GSE1: variants seen among roughly 807,000 people sequenced by gnomAD.
GSE1 encodes genetic suppressor element 1.
GSE1 carries 32 observed loss-of-function variants against 112.6 expected under a neutral mutation model. That is an observed-to-expected ratio of 0.28 (90% CI 0.21 to 0.38). The LOEUF (loss-of-function observed/expected upper bound fraction) is 0.38. Ranked by LOEUF, GSE1 falls within the 10% of genes least tolerant of loss-of-function variation. The pLI, the probability that GSE1 is intolerant of heterozygous loss-of-function variation, is 1.00. For missense variants in GSE1, 2,348 were observed against 1,699.2 expected (o/e 1.38, Z -6.71); for synonymous variants, 1,115 against 735.6 (o/e 1.52, Z -8.35).
At chr16:85,287,226 C>T (rs778595456) in intron 1 of GSE1, among the ~76,000 whole-genome samples, 6 of 152,212 alleles carry the variant, frequency 3.9e-5, no homozygotes, top group African/African-American at 9.7e-5. Flanking sequence ...CTGTGCAAGA[C>T]GTGCACCACT....
chr16:85,172,584 G>A (rs2074379710), intron 1 of GSE1, among the ~76,000 whole-genome samples: 1 of 152,260 alleles, frequency 6.6e-6, no homozygotes, highest in South Asian at 2.1e-4. Flanking sequence ...ACTGCCCCCG[G>A]TGGGTCTGGG....
intron 1 of GSE1, among the ~76,000 whole-genome samples, chr16:85,198,090 G>A (rs187286180): frequency 4.9e-4 from 75 of 152,212 alleles, no homozygotes; most frequent in East Asian, 4.1e-3. Flanking sequence ...GGCCCTCAGC[G>A]TCCTCACACC....
intron 1 of GSE1, among the ~76,000 whole-genome samples, chr16:85,602,016 C>A (rs1000110899): frequency 6.6e-6 from 1 of 151,912 alleles, no homozygotes; most frequent in African/African-American, 2.4e-5. Flanking sequence ...AGGGAGAAGA[C>A]GGGCCTGGAG....
At chr16:85,639,273 C>T (rs1484766430) in intron 2 of GSE1, among the ~76,000 whole-genome samples, 1 of 152,180 alleles carries the variant, frequency 6.6e-6, no homozygotes, top group Non-Finnish European at 1.5e-5. Context: ...GGCACCGGGT[C>T]CTTGGGTACA....
chr16:85,198,304 G>A (rs748600808), intron 1 of GSE1, among the ~76,000 whole-genome samples: 4 of 152,188 alleles, frequency 2.6e-5, no homozygotes, highest in African/African-American at 7.2e-5. Flanking sequence ...TCCTCTCTAC[G>A]GACGAGGTCA....
At chr16:85,396,950 G>A (rs949040792) in intron 2 of GSE1, among the ~76,000 whole-genome samples, 5 of 152,226 alleles carry the variant, frequency 3.3e-5, no homozygotes, top group Non-Finnish European at 7.3e-5. Context: ...AGACACCCAG[G>A]CAGAGAACAG....
At chr16:85,572,198 AACAC>A (rs1015561110) in intron 1 of GSE1, among the ~76,000 whole-genome samples, 8 of 146,432 alleles carry the variant, frequency 5.5e-5, no homozygotes, top group Non-Finnish European at 1.1e-4. Flanking sequence ...CTACACACAC[AACAC>A]ACACAGCACG....
In GSE1 at chr16:85,170,992, C is replaced by G. The variant is rs551727074; in HGVS notation, c.1468C>G (p.Pro490Ala). ...CTACCTCTGTGGGGAGGACTGTACC[C>G]CGGATGCCCGGGCGGTCCCCTCCAG... Residue 490 changes from proline to alanine, a missense_variant, in exon 1 of 3, where the codon CCG (proline) becomes GCG (alanine). By Grantham distance (27) the Pro-to-Ala change is conservative. Transcript: ENST00000637419. 9.3e-5 allele frequency: 92 copies of G among 985,542 alleles called. No homozygotes were observed. In the South Asian group the frequency reaches 3.6e-3, roughly 38 times the overall value. The allele number at this position is 985,542 out of a possible 1,614,324, so 61.0% of individuals were successfully genotyped here. A position where few individuals can be genotyped will look rare whatever the true frequency, so the allele number is the denominator to read the frequency against.
chr16:85,388,961 G>T (rs564198269), intron 2 of GSE1, among the ~76,000 whole-genome samples: 28 of 152,250 alleles, frequency 1.8e-4, no homozygotes, highest in African/African-American at 6.0e-4. Context: ...AGTGTTCTTT[G>T]GGAATAGATC....
chr16:85,425,792 T>A (rs1027611446), intron 2 of GSE1, among the ~76,000 whole-genome samples: 1 of 152,216 alleles, frequency 6.6e-6, no homozygotes, highest in Admixed American at 6.5e-5. Context: ...GAAGTAACTT[T>A]TACTTTGGTT....
chr16:85,357,052 A>G (rs913061307), intron 1 of GSE1, among the ~76,000 whole-genome samples: 17 of 152,120 alleles, frequency 1.1e-4, no homozygotes, highest in Middle Eastern at 6.8e-3. Context: ...CACAGAATAA[A>G]CCTTGTCCCC....
chr16:85,668,539 G>A (rs952540249), intron 14 of GSE1, 115 bp downstream of exon 14: 1 of 703,226 alleles, frequency 1.4e-6, no homozygotes, highest in Non-Finnish European at 2.4e-6. Context: ...TCTCCGTCCT[G>A]GGGCACAGTA....
chr16:85,486,248 C>T (rs1258077597), intron 2 of GSE1, among the ~76,000 whole-genome samples: 1 of 152,200 alleles, frequency 6.6e-6, no homozygotes, highest in Non-Finnish European at 1.5e-5. Flanking sequence ...CTCACACACT[C>T]ATTCACATGC....
chr16:85,448,283 G>A (rs959591316), intron 2 of GSE1, among the ~76,000 whole-genome samples: 4 of 152,192 alleles, frequency 2.6e-5, no homozygotes, highest in African/African-American at 4.8e-5. Flanking sequence ...GCTGGGCTTC[G>A]GGATCTTTCC....
intron 2 of GSE1, among the ~76,000 whole-genome samples, chr16:85,491,114 A>AG (rs995723687): frequency 4.6e-5 from 7 of 152,146 alleles, no homozygotes; most frequent in African/African-American, 1.4e-4. Context: ...GCCCTGTCGC[A>AG]GGGGGCGGCA....
In GSE1 at chr16:85,291,977, G is replaced by A. The variant is rs562794737; in HGVS notation, c.2284-65486G>A. ...CCCTGCCCTTGACCCTGGGAGCCCC[G>A]TAAAGGAGGCAGAGAGGTGATCAGG... On this transcript the variant is annotated intron_variant, in intron 1 of 2. Transcript: ENST00000637419. 5.6e-4 allele frequency among the ~76,000 whole-genome samples: 86 copies of A among 152,288 alleles called. 1 individual carries two copies. In the South Asian group the frequency reaches 7.7e-3, roughly 14 times the overall value.
intron 1 of GSE1, among the ~76,000 whole-genome samples, chr16:85,632,899 T>C (rs953920519): frequency 1.5e-4 from 23 of 152,264 alleles, no homozygotes; most frequent in Non-Finnish European, 2.8e-4. Context: ...GGTTGGGCTT[T>C]TATTGATTGG....
chr16:85,641,559 G>A (rs571045060), intron 2 of GSE1, among the ~76,000 whole-genome samples: 1 of 152,256 alleles, frequency 6.6e-6, no homozygotes, highest in Non-Finnish European at 1.5e-5. Context: ...TGGAACGCAG[G>A]GGGTCGCGGC....
In GSE1 at chr16:85,457,881, C is replaced by T. The variant is rs201400106; in HGVS notation, c.2464+100238C>T. Among the ~76,000 whole-genome samples, 70 of 152,306 alleles carry T rather than the reference C, an allele frequency of 4.6e-4. No individual in the cohort carries two copies. The East Asian group carries it at 6.0e-3, about 13-fold the overall frequency. The stretch of plus-strand genomic sequence containing the variant: ...GACTGGCAGTGTGCAGGGCCCTGTG[C>T]GGAGGCTTTCCATACACTGCCTCAT... On this transcript the variant is annotated intron_variant, in intron 2 of 2. Transcript: ENST00000637419.
Sources: gnomAD v4.1 joint callset for allele counts (sites outside exome capture counted in the v4.1 genomes callset) on GRCh38, gnomAD v4.1.1 for gene constraint, MANE v1.5 for transcripts, NCBI Gene and HGNC (gene_info 2026-07-23, HGNC 2026-07-21) for gene names.